RMDN2: variants seen among roughly 807,000 people sequenced by gnomAD.
The protein encoded by RMDN2 is regulator of microtubule dynamics protein 2.
A neutral mutation model predicts 52.8 loss-of-function variants in RMDN2; 61 were observed. The observed-to-expected ratio is 1.16, with a 90% CI of 0.94 to 1.43. The LOEUF (loss-of-function observed/expected upper bound fraction) is 1.43. Among genes scored for constraint, RMDN2 ranks in the 40% most tolerant of loss-of-function variants. RMDN2 has a pLI of 0.00. For synonymous variants in RMDN2, 180 were observed against 153.1 expected, an observed-to-expected ratio of 1.18 and a Z score of -1.30; for missense variants, 592 against 475.3, an observed-to-expected ratio of 1.25 and a Z score of -2.28.
At chr2:38,039,538 G>T (rs1462674239) in intron 10 of RMDN2, among the ~76,000 whole-genome samples, 1 of 152,096 alleles carries the variant, frequency 6.6e-6, no homozygotes, top group Non-Finnish European at 1.5e-5. Flanking sequence ...ATTCACCCTC[G>T]CCCTGATTTT....
intron 10 of RMDN2, among the ~76,000 whole-genome samples, chr2:38,006,795 G>A (rs1202223116): frequency 6.6e-6 from 1 of 152,140 alleles, no homozygotes; most frequent in Non-Finnish European, 1.5e-5. Context: ...TTTTCAAAGG[G>A]AATGCTTCCA....
At chr2:37,990,720 A>G (rs977518682) in intron 6 of RMDN2, among the ~76,000 whole-genome samples, 1 of 152,128 alleles carries the variant, frequency 6.6e-6, no homozygotes, top group Admixed American at 6.5e-5. Context: ...ATTTGCCTCC[A>G]TAGCTCAATA....
chr2:37,955,486 A>G (rs1669329803), intron 2 of RMDN2, among the ~76,000 whole-genome samples: 1 of 152,086 alleles, frequency 6.6e-6, no homozygotes, highest in Admixed American at 6.6e-5. Flanking sequence ...TTTATGTGGT[A>G]TTGATATGGT....
At chr2:38,027,674 G>T (rs2125268601) in intron 10 of RMDN2, among the ~76,000 whole-genome samples, 1 of 152,240 alleles carries the variant, frequency 6.6e-6, no homozygotes, top group Non-Finnish European at 1.5e-5. Context: ...TAGTAACCTT[G>T]TGCTTTGACA....
intron 10 of RMDN2, among the ~76,000 whole-genome samples, chr2:38,008,370 T>C (rs6713783): frequency 0.59 from 89,519 of 151,916 alleles, 27,910 homozygotes; most frequent in East Asian, 0.9. Context: ...TAAGGACTTG[T>C]TTTATGAATC....
At chr2:38,044,415 A>G (rs1261275297) in intron 10 of RMDN2, among the ~76,000 whole-genome samples, 2 of 152,016 alleles carry the variant, frequency 1.3e-5, no homozygotes, top group Non-Finnish European at 2.9e-5. Context: ...GTGATTCAGT[A>G]TCTGTCATTA....
At chr2:38,006,541 TG>T (rs1398476528) in intron 10 of RMDN2, among the ~76,000 whole-genome samples, 6 of 152,238 alleles carry the variant, frequency 3.9e-5, no homozygotes, top group Non-Finnish European at 8.8e-5. Context: ...TTGTGATTTT[TG>T]CACATTGATT....
At chr2:37,995,352 T>TACTACTACC in intron 7 of RMDN2, among the ~76,000 whole-genome samples, 1 of 151,462 alleles carries the variant, frequency 6.6e-6, no homozygotes, top group East Asian at 1.9e-4. Context: ...CTACTACTAC[T>TACTACTACC]ACTACTACTA....
chr2:37,970,395 G>C (rs1671641319), intron 2 of RMDN2, among the ~76,000 whole-genome samples: 1 of 152,006 alleles, frequency 6.6e-6, no homozygotes, highest in Non-Finnish European at 1.5e-5. Context: ...ATCTCAATTT[G>C]GTTGTAATAC....
In RMDN2 at chr2:37,961,930, C is replaced by T. The variant is rs572487028; in HGVS notation, c.453-12110C>T. Among the ~76,000 whole-genome samples the T allele has an allele frequency of 2.0e-5, 3 of 152,266 alleles. No homozygotes were observed. The South Asian group carries it at 6.2e-4, about 32-fold the overall frequency. Reference sequence around the variant, plus strand: ...TTTTGCTTTCTGTTTGTTAGTTTTCCTTCTAACAGTCAGCTCCCTCTTCTG... The same window carrying T: ...TTTTGCTTTCTGTTTGTTAGTTTTCTTTCTAACAGTCAGCTCCCTCTTCTG... On this transcript the variant is annotated intron_variant, in intron 2 of 10. Coordinates refer to ENST00000354545, the MANE Select transcript of RMDN2 (RefSeq NM_001170791.3).
intron 2 of RMDN2, among the ~76,000 whole-genome samples, chr2:37,949,166 C>T (rs993986593): frequency 3.9e-5 from 6 of 152,166 alleles, no homozygotes; most frequent in African/African-American, 1.4e-4. Context: ...GACAGTCCTC[C>T]TTGGGCTTCT....
chr2:38,016,735 A>G (rs973883821), intron 10 of RMDN2, among the ~76,000 whole-genome samples: 2 of 152,176 alleles, frequency 1.3e-5, no homozygotes, highest in Admixed American at 6.5e-5. Context: ...GCTAAACCCT[A>G]CACCCTTCAG....
chr2:38,025,236 T>C (rs904370147), intron 10 of RMDN2, among the ~76,000 whole-genome samples: 2 of 152,110 alleles, frequency 1.3e-5, no homozygotes, highest in Admixed American at 6.5e-5. Flanking sequence ...GTCAAACTTA[T>C]TCCTAAGTAT....
At chr2:37,939,475 A>G (rs187481093) in intron 2 of RMDN2, among the ~76,000 whole-genome samples, 94 of 152,270 alleles carry the variant, frequency 6.2e-4, no homozygotes, top group African/African-American at 2.1e-3. Flanking sequence ...TGATTTGTCT[A>G]ATATTGACAG....
chr2:38,040,212 C>T (rs1237073599), intron 10 of RMDN2, among the ~76,000 whole-genome samples: 3 of 152,036 alleles, frequency 2.0e-5, no homozygotes, highest in Admixed American at 6.6e-5. Context: ...TTTCTTACCT[C>T]TTCCATTGAT....
At chr2:37,971,351 C>G (rs1671784547) in intron 2 of RMDN2, among the ~76,000 whole-genome samples, 1 of 152,082 alleles carries the variant, frequency 6.6e-6, no homozygotes, top group Admixed American at 6.6e-5. Context: ...CTCCGCTAAA[C>G]TGTCTTGGCA....
intron 8 of RMDN2, among the ~76,000 whole-genome samples, chr2:38,003,196 A>G (rs1676543288): frequency 6.6e-6 from 1 of 152,212 alleles, no homozygotes; most frequent in South Asian, 2.1e-4. Flanking sequence ...CAAGAAATCA[A>G]ATATTAATCT....
intron 3 of RMDN2, 71 bp from the exon 4 acceptor site, chr2:37,975,141 A>G (rs781759036): frequency 1.9e-4 from 166 of 863,496 alleles, no homozygotes; most frequent in Non-Finnish European, 3.0e-4. Flanking sequence ...AAAAAGTTGC[A>G]GTAGAAAACA....
intron 4 of RMDN2, among the ~76,000 whole-genome samples, chr2:37,977,902 C>T (rs553588646): frequency 6.6e-6 from 1 of 152,272 alleles, no homozygotes; most frequent in African/African-American, 2.4e-5. Context: ...AGACGCTCCT[C>T]ACTTCCTAGA....
Sources: gnomAD v4.1 joint callset for allele counts (sites outside exome capture counted in the v4.1 genomes callset) on GRCh38, gnomAD v4.1.1 for gene constraint, MANE v1.5 for transcripts, NCBI Gene and HGNC (gene_info 2026-07-23, HGNC 2026-07-21) for gene names.